DPP10: variants seen among roughly 807,000 people sequenced by gnomAD.
The protein encoded by DPP10 is dipeptidyl peptidase like 10.
A neutral mutation model predicts 120.9 loss-of-function variants in DPP10; 33 were observed. The observed-to-expected ratio is 0.27, with a 90% CI of 0.21 to 0.37. DPP10 has a LOEUF of 0.37. Among genes scored for constraint, DPP10 ranks in the 10% least tolerant of loss-of-function variants. DPP10 has a pLI of 1.00. For missense variants in DPP10, 816 were observed against 942.8 expected (o/e 0.87, Z 1.76); for synonymous variants, 337 against 326.1 (o/e 1.03, Z -0.36).
chr2:115,114,458 A>T (rs2049395042), intron 1 of DPP10, among the ~76,000 whole-genome samples: 1 of 152,220 alleles, frequency 6.6e-6, no homozygotes. Flanking sequence ...CATTTAAAAC[A>T]GTAAATATTA....
chr2:115,631,097 A>C, intron 5 of DPP10, among the ~76,000 whole-genome samples: 1 of 140,810 alleles, frequency 7.1e-6, no homozygotes, highest in East Asian at 2.1e-4. Context: ...TCTCAATTTC[A>C]GAACTTGTTA....
intron 1 of DPP10, among the ~76,000 whole-genome samples, chr2:114,783,072 A>G (rs1396634629): frequency 6.6e-6 from 1 of 152,176 alleles, no homozygotes; most frequent in Non-Finnish European, 1.5e-5. Flanking sequence ...ATATCTCTGA[A>G]CAAAGTCATT....
intron 1 of DPP10, among the ~76,000 whole-genome samples, chr2:114,853,196 G>T (rs538992942): frequency 1.3e-5 from 2 of 152,152 alleles, no homozygotes; most frequent in Non-Finnish European, 2.9e-5. Context: ...GCTTGAGTGC[G>T]CTTTCTTGGA....
chr2:115,554,799 C>A (rs1027884256), intron 5 of DPP10, among the ~76,000 whole-genome samples: 1 of 152,054 alleles, frequency 6.6e-6, no homozygotes, highest in Non-Finnish European at 1.5e-5. Context: ...GTACAGGGCT[C>A]TTCTTTTTCA....
At chr2:115,278,444 C>T (rs1440948304) in intron 1 of DPP10, among the ~76,000 whole-genome samples, 2 of 152,050 alleles carry the variant, frequency 1.3e-5, no homozygotes, top group African/African-American at 2.4e-5. Context: ...AAAGCTTTGT[C>T]CATTTTGTGT....
chr2:115,317,927 T>C (rs1242925504), intron 2 of DPP10, among the ~76,000 whole-genome samples: 1 of 152,148 alleles, frequency 6.6e-6, no homozygotes, highest in Non-Finnish European at 1.5e-5. Flanking sequence ...CTCTTTACTT[T>C]CATAATAGTT....
At chr2:115,795,182 T>C (rs1684402855) in intron 19 of DPP10, among the ~76,000 whole-genome samples, 1 of 152,198 alleles carries the variant, frequency 6.6e-6, no homozygotes, top group African/African-American at 2.4e-5. Context: ...TACTGTTATT[T>C]AAAAAGAAGG....
intron 1 of DPP10, among the ~76,000 whole-genome samples, chr2:115,085,566 T>C (rs1032346982): frequency 6.6e-6 from 1 of 152,206 alleles, no homozygotes; most frequent in Non-Finnish European, 1.5e-5. Context: ...ATAACACTTT[T>C]GAAAAAGCCA....
At chr2:115,119,128 T>A (rs2049692642) in intron 1 of DPP10, among the ~76,000 whole-genome samples, 1 of 152,166 alleles carries the variant, frequency 6.6e-6, no homozygotes, top group Non-Finnish European at 1.5e-5. Context: ...GCTGTCCACA[T>A]GCACAGGGGC....
intron 1 of DPP10, among the ~76,000 whole-genome samples, chr2:115,219,522 A>G (rs2057025203): frequency 6.6e-6 from 1 of 152,184 alleles, no homozygotes; most frequent in South Asian, 2.1e-4. Flanking sequence ...TGAAAGCAGG[A>G]AGCTGTTCCA....
At chr2:115,203,720 T>C (rs1282503985) in intron 1 of DPP10, among the ~76,000 whole-genome samples, 2 of 152,164 alleles carry the variant, frequency 1.3e-5, no homozygotes, top group Admixed American at 1.3e-4. Context: ...CATGATCTTC[T>C]TGACCTCTCT....
intron 1 of DPP10, among the ~76,000 whole-genome samples, chr2:114,954,073 A>G (rs990245107): frequency 7.3e-6 from 1 of 136,176 alleles, no homozygotes; most frequent in Admixed American, 8.8e-5. Context: ...GATGAGATTA[A>G]GAAGTCCTTT....
chr2:115,273,453 C>T (rs2059783876), intron 1 of DPP10, among the ~76,000 whole-genome samples: 1 of 152,142 alleles, frequency 6.6e-6, no homozygotes, highest in African/African-American at 2.4e-5. Context: ...TCTCCTGCCT[C>T]AGCCTCCCGA....
chr2:114,967,650 G>T (rs1699126368), intron 1 of DPP10, among the ~76,000 whole-genome samples: 1 of 152,104 alleles, frequency 6.6e-6, no homozygotes, highest in South Asian at 2.1e-4. Flanking sequence ...GTGAAAGGCT[G>T]GAAGGTTTAT....
intron 1 of DPP10, among the ~76,000 whole-genome samples, chr2:114,515,345 C>T (rs1026196245): frequency 3.9e-5 from 6 of 152,132 alleles, no homozygotes; most frequent in African/African-American, 9.7e-5. Flanking sequence ...CTCTGCAGCT[C>T]GTTGGCAACA....
chr2:115,387,159 G>A (rs1422024078), intron 3 of DPP10, among the ~76,000 whole-genome samples: 2 of 152,070 alleles, frequency 1.3e-5, no homozygotes, highest in Non-Finnish European at 2.9e-5. Context: ...CTCTGAGGAG[G>A]GGGAGGCTGA....
chr2:115,510,423 T>C (rs2077164019), intron 4 of DPP10, among the ~76,000 whole-genome samples: 1 of 152,148 alleles, frequency 6.6e-6, no homozygotes, highest in African/African-American at 2.4e-5. Context: ...TTTTTTTCTG[T>C]TGAATAATTT....
chr2:114,993,289 C>G (rs893814621), intron 1 of DPP10, among the ~76,000 whole-genome samples: 34 of 151,984 alleles, frequency 2.2e-4, no homozygotes, highest in African/African-American at 7.2e-4. Context: ...CTGTGACTTC[C>G]TAAAAGTGGG....
At chr2:114,547,453 G>GA (rs1687509677) in intron 1 of DPP10, among the ~76,000 whole-genome samples, 1 of 151,846 alleles carries the variant, frequency 6.6e-6, no homozygotes, top group Non-Finnish European at 1.5e-5. Context: ...AAAAGAAATA[G>GA]CTTTTTTTTT....
Sources: gnomAD v4.1 joint callset for allele counts (sites outside exome capture counted in the v4.1 genomes callset) on GRCh38, gnomAD v4.1.1 for gene constraint, MANE v1.5 for transcripts, NCBI Gene and HGNC (gene_info 2026-07-23, HGNC 2026-07-21) for gene names.